Variants in GALNT16 observed in about 807,000 individuals in gnomAD.
GALNT16 encodes the protein polypeptide N-acetylgalactosaminyltransferase 16, also known as UDP-GalNAc:polypeptide N-acetylgalactosaminyltransferase-like protein 1.
GALNT16 carries 40 observed loss-of-function variants against 76.1 expected under a neutral mutation model. The observed-to-expected ratio is 0.53, with a 90% CI of 0.41 to 0.68. GALNT16 has a LOEUF of 0.68. GALNT16 is among the 30% of genes least tolerant of loss of function. The probability of loss-of-function intolerance (pLI) is 0.00; values close to 1 mark genes in which losing one functional copy is unlikely to be tolerated. For missense variants in GALNT16, 621 were observed against 731.9 expected (o/e 0.85, Z 1.75); for synonymous variants, 276 against 285.2 (o/e 0.97, Z 0.32).
intron 1 of GALNT16, among the ~76,000 whole-genome samples, chr14:69,281,580 G>A (rs1204672552): frequency 6.6e-6 from 1 of 152,056 alleles, no homozygotes; most frequent in Non-Finnish European, 1.5e-5. Context: ...GCCTGGCGGT[G>A]GAAATCTCTC....
intron 1 of GALNT16, 131 bp from the exon 2 acceptor site, chr14:69,320,580 C>T (rs2045164672): frequency 1.5e-6 from 1 of 681,370 alleles, no homozygotes; most frequent in East Asian, 2.6e-5. Context: ...ATAATGGTCT[C>T]CTCCTCATAG....
At chr14:69,279,737 G>A (rs925665465) in intron 1 of GALNT16, among the ~76,000 whole-genome samples, 1 of 152,242 alleles carries the variant, frequency 6.6e-6, no homozygotes, top group Non-Finnish European at 1.5e-5. Context: ...ACACAGGAAG[G>A]AACATCAGGT....
Position 69,352,308 on chromosome 14 carries a change from C to A in GALNT16, c.*140C>A. The A allele has an allele frequency of 1.3e-6, 1 of 790,346 alleles. No individual in the cohort carries two copies. Among genetic ancestry groups the A allele is most frequent in the East Asian group, 2.7e-5 (1 of 36,774 alleles). The allele number at this position is 790,346 out of a possible 1,614,324, so 49.0% of individuals were successfully genotyped here. On this transcript the variant is annotated 3_prime_UTR_variant, in exon 15 of 15. Transcript: ENST00000448469. ...ATCAGCAAATACCCACCATGACACACGTTCTCCAAAGCTTGTTCTAGGAGG... is the reference window on the plus strand; with the variant it reads ...ATCAGCAAATACCCACCATGACACAAGTTCTCCAAAGCTTGTTCTAGGAGG...
At chr14:69,280,347 C>T (rs2044524165) in intron 1 of GALNT16, among the ~76,000 whole-genome samples, 1 of 152,192 alleles carries the variant, frequency 6.6e-6, no homozygotes, top group African/African-American at 2.4e-5. Flanking sequence ...CAGTGTTCAT[C>T]CATGTTGTAG....
chr14:69,262,253 T>C (rs549222240), intron 1 of GALNT16, among the ~76,000 whole-genome samples: 40 of 152,218 alleles, frequency 2.6e-4, no homozygotes, highest in Non-Finnish European at 5.4e-4. Flanking sequence ...AGGAGACTGC[T>C]GCTCAGAGCC....
At chr14:69,296,805 C>CTAGA (rs71102640) in intron 1 of GALNT16, among the ~76,000 whole-genome samples, 9,088 of 148,126 alleles carry the variant, frequency 0.061, 307 homozygotes, top group Non-Finnish European at 0.066. Context: ...ACAGATAGAG[C>CTAGA]TAGATAGATA....
chr14:69,306,619 T>G (rs947346135), intron 1 of GALNT16, among the ~76,000 whole-genome samples: 7 of 152,228 alleles, frequency 4.6e-5, no homozygotes, highest in African/African-American at 1.7e-4. Context: ...TGAACATCTT[T>G]CTGCCTAATA....
At chr14:69,318,521 A>C (rs2045133738) in intron 1 of GALNT16, among the ~76,000 whole-genome samples, 1 of 152,146 alleles carries the variant, frequency 6.6e-6, no homozygotes, top group Non-Finnish European at 1.5e-5. Context: ...AAGCATTCAT[A>C]AACAAATGAA....
chr14:69,346,963 G>A (rs1312554936), intron 12 of GALNT16, 77 bp from the exon 13 acceptor site: 4 of 1,575,128 alleles, frequency 2.5e-6, no homozygotes, highest in Middle Eastern at 3.3e-4. Context: ...GAGCTGATAG[G>A]ATGCTGACGT....
downstream of GALNT16, chr14:69,357,069 T>G (rs2045698788): frequency 6.6e-6 from 1 of 152,222 alleles, no homozygotes; most frequent in East Asian, 1.9e-4. Flanking sequence ...ATGACACAAA[T>G]GTAAACAAGA....
chr14:69,265,597 T>C (rs562085266), intron 1 of GALNT16, among the ~76,000 whole-genome samples: 68 of 152,310 alleles, frequency 4.5e-4, no homozygotes, highest in Middle Eastern at 3.4e-3. Flanking sequence ...AGTTACAAGA[T>C]TGAAGATTTA....
the GALNT16 span, among the ~76,000 whole-genome samples, chr14:69,378,009 C>CA: frequency 2.6e-5 from 4 of 152,104 alleles, no homozygotes; most frequent in African/African-American, 9.7e-5. Flanking sequence ...CTCTCTCCCC[C>CA]AACCCAGCCT....
chr14:69,369,425 C>T, the GALNT16 span, among the ~76,000 whole-genome samples: 1 of 152,178 alleles, frequency 6.6e-6, no homozygotes, highest in South Asian at 2.1e-4. Flanking sequence ...AAAGCTTGTA[C>T]CCAGACCTCA....
the GALNT16 span, among the ~76,000 whole-genome samples, chr14:69,383,009 G>A: frequency 2.0e-5 from 3 of 152,296 alleles, no homozygotes; most frequent in South Asian, 6.2e-4. Flanking sequence ...AATCAGAAAT[G>A]TCTTCAGTGA....
rs372795565 is a variant in GALNT16 at position 69,289,497 on chromosome 14, C to T, written c.177+29030C>T. Among the ~76,000 whole-genome samples the T allele has an allele frequency of 4.2e-4, 64 of 152,156 alleles. No homozygotes were observed. In the South Asian group the frequency reaches 9.8e-3, roughly 23 times the overall value. ...TGGCCTCAGGCCTAAGGCTTGAGAGCGGCTTGTTGGCTCGGCCTATGTCCT... is the reference window on the plus strand; with the variant it reads ...TGGCCTCAGGCCTAAGGCTTGAGAGTGGCTTGTTGGCTCGGCCTATGTCCT... On this transcript the variant is annotated intron_variant, in intron 1 of 14. Transcript: ENST00000448469.
intron 11 of GALNT16, among the ~76,000 whole-genome samples, chr14:69,340,876 C>T (rs188777026): frequency 9.3e-5 from 12 of 129,066 alleles, no homozygotes; most frequent in Non-Finnish European, 9.0e-5. Flanking sequence ...GTACATGGGG[C>T]GTATTATATT....
At position 69,347,064 on chromosome 14, in the gene GALNT16, C is replaced by T. The variant is rs1220856271; in HGVS notation, c.1296C>T (p.Pro432=). The T allele has an allele frequency of 1.5e-5, 25 of 1,613,998 alleles. No individual in the cohort carries two copies. Among genetic ancestry groups the T allele is most frequent in the East Asian group, 1.1e-4 (5 of 44,900 alleles). ...GGGTCCCCGTGAAGGAAGCACTCCC[C>T]GGCATCATTAAGCAGGGGGTGAACT... ...ELTVPVKEAL[P]GIIKQGVNCL... is the part of the protein sequence containing the mutation. Residue 432 remains proline (P), a synonymous_variant, in exon 13 of 15, where the codon CCC becomes CCT. Transcript: ENST00000448469.
At chr14:69,294,916 G>A (rs1010294087) in intron 1 of GALNT16, among the ~76,000 whole-genome samples, 1 of 152,042 alleles carries the variant, frequency 6.6e-6, no homozygotes, top group Non-Finnish European at 1.5e-5. Flanking sequence ...CCATGTTGTA[G>A]TTTATATTAG....
intron 1 of GALNT16, among the ~76,000 whole-genome samples, chr14:69,262,333 C>T (rs561202903): frequency 1.3e-5 from 2 of 152,204 alleles, no homozygotes; most frequent in Non-Finnish European, 2.9e-5. Context: ...TTCCAGAGTC[C>T]TGTAAGATGC....
Sources: allele counts gnomAD v4.1 joint callset (sites outside exome capture counted in the v4.1 genomes callset), GRCh38; gene constraint gnomAD v4.1.1; transcripts MANE v1.5; gene names NCBI Gene and HGNC (gene_info 2026-07-23, HGNC 2026-07-21).